Variants in TMEM126A observed in about 807,000 individuals in gnomAD.
TMEM126A encodes the protein optic atrophy 7.
TMEM126A carries 10 observed loss-of-function variants against 18.3 expected under a neutral mutation model. The ratio of observed to expected loss-of-function variants is 0.55; its 90% CI spans 0.34 to 0.93. The LOEUF (loss-of-function observed/expected upper bound fraction) is 0.93. Among genes scored for constraint, TMEM126A ranks in the 40% least tolerant of loss-of-function variants. TMEM126A has a pLI of 0.02. For synonymous variants in TMEM126A, 68 were observed against 78.1 expected (o/e 0.87, Z 0.68); for missense variants, 246 against 230.2 (o/e 1.07, Z -0.44).
chr11:85,650,210 T>C (rs199602090), intron 1 of TMEM126A, 39 bp from the exon 2 acceptor site: 2 of 1,319,102 alleles, frequency 1.5e-6, no homozygotes. Flanking sequence ...AAATTCTTTG[T>C]ATAAATTCTT....
intron 1 of TMEM126A, among the ~76,000 whole-genome samples, chr11:85,648,533 C>CA (rs1048292337): frequency 3.9e-5 from 6 of 152,222 alleles, no homozygotes; most frequent in African/African-American, 9.6e-5. Context: ...AAAATGCCCA[C>CA]AGGGGCTGCC....
At chr11:85,648,678 T>A (rs1296536449) in intron 1 of TMEM126A, among the ~76,000 whole-genome samples, 2 of 152,206 alleles carry the variant, frequency 1.3e-5, no homozygotes, top group Non-Finnish European at 2.9e-5. Flanking sequence ...TTGTGTCTTA[T>A]CATCTTATCG....
At chr11:85,653,927 T>C in intron 2 of TMEM126A, 136 bp from the exon 3 acceptor site, 2 of 1,023,106 alleles carry the variant, frequency 2.0e-6, no homozygotes, top group South Asian at 2.7e-5. Flanking sequence ...AAGCAATTTT[T>C]AAGATTTTGG....
At chr11:85,652,571 G>A (rs1386202938) in intron 2 of TMEM126A, among the ~76,000 whole-genome samples, 1 of 152,148 alleles carries the variant, frequency 6.6e-6, no homozygotes, top group Non-Finnish European at 1.5e-5. Context: ...TTATCAAAAA[G>A]TCATGAGTTT....
chr11:85,655,815 C>A, intron 4 of TMEM126A, 107 bp downstream of exon 4: 1 of 767,678 alleles, frequency 1.3e-6, no homozygotes, highest in Non-Finnish European at 2.3e-6. Flanking sequence ...GGCAATGTTA[C>A]CCTCTTGATT....
rs200692120 is a variant in TMEM126A at position 85,654,256 on chromosome 11, G to C, written c.280G>C (p.Gly94Arg). 3.7e-6 allele frequency: 6 copies of C among 1,613,676 alleles called. No homozygotes were observed. In the African/African-American group the frequency reaches 8.0e-5, roughly 22 times the overall value. ...RCFVSFPLNT[G>R]DLDCETCTIT... Reference sequence around the variant, plus strand: ...TTTTGTAAGTTTTCCTTTGAATACAGGTAAATTCTACTTCACTATCACCAA... The same window carrying C: ...TTTTGTAAGTTTTCCTTTGAATACACGTAAATTCTACTTCACTATCACCAA... The change falls in exon 3 of 5, where the codon GGT (glycine) becomes CGT (arginine). Residue 94 changes from glycine (G) to arginine (R), a missense_variant and splice_region_variant. Physicochemically the swap from Gly to Arg is moderately radical, Grantham distance 125. Transcript: ENST00000304511.
At chr11:85,655,459 A>C (rs2082530863) in intron 3 of TMEM126A, 135 bp from the exon 4 acceptor site, 1 of 703,562 alleles carries the variant, frequency 1.4e-6, no homozygotes, top group South Asian at 1.6e-5. Flanking sequence ...TATACCTTTT[A>C]ACAGGCTTTG....
intron 2 of TMEM126A, 78 bp downstream of exon 2, chr11:85,650,419 G>C (rs2153312395): frequency 1.9e-6 from 2 of 1,080,056 alleles, no homozygotes; most frequent in East Asian, 4.9e-5. Flanking sequence ...AAGTTTATCT[G>C]GTTTGAGTAT....
intron 3 of TMEM126A, 71 bp downstream of exon 3, chr11:85,654,327 A>AG: frequency 7.1e-7 from 1 of 1,417,572 alleles, no homozygotes; most frequent in South Asian, 1.2e-5. Flanking sequence ...GTCCATACTT[A>AG]TTAATATCAA....
chr11:85,648,415 C>T (rs1274770060), intron 1 of TMEM126A, among the ~76,000 whole-genome samples: 2 of 152,216 alleles, frequency 1.3e-5, no homozygotes, highest in African/African-American at 2.4e-5. Context: ...TCTCTCAGAG[C>T]TCTTCCAAGA....
At chr11:85,650,160 T>G in intron 1 of TMEM126A, 89 bp from the exon 2 acceptor site, 1 of 772,208 alleles carries the variant, frequency 1.3e-6, no homozygotes, top group Non-Finnish European at 2.1e-6. Context: ...TTTTTCAGAT[T>G]AGCTCTACAG....
intron 3 of TMEM126A, among the ~76,000 whole-genome samples, chr11:85,654,624 TG>T (rs1473708873): frequency 6.6e-6 from 1 of 152,088 alleles, no homozygotes; most frequent in Non-Finnish European, 1.5e-5. Flanking sequence ...GCTAATTTTT[TG>T]TATTTTTAGT....
intron 1 of TMEM126A, among the ~76,000 whole-genome samples, chr11:85,648,751 G>A (rs1276595597): frequency 1.3e-5 from 2 of 152,130 alleles, no homozygotes; most frequent in Non-Finnish European, 1.5e-5. Flanking sequence ...AGGCTGCTTT[G>A]TACTTATTAG....
intron 4 of TMEM126A, 97 bp downstream of exon 4, chr11:85,655,805 G>C: frequency 2.4e-6 from 2 of 837,854 alleles, no homozygotes; most frequent in Non-Finnish European, 4.0e-6. Flanking sequence ...TTAGACCAAA[G>C]GCAATGTTAC....
At chr11:85,655,320 G>A in intron 3 of TMEM126A, 1 of 355,614 alleles carries the variant, frequency 2.8e-6, no homozygotes. Flanking sequence ...AAAAAACAAG[G>A]CAGAAAGCTA....
At chr11:85,648,953 T>G (rs1212403151) in intron 1 of TMEM126A, among the ~76,000 whole-genome samples, 5 of 151,216 alleles carry the variant, frequency 3.3e-5, no homozygotes, top group African/African-American at 7.3e-5. Context: ...TTTTTTTTTT[T>G]GTAGACCGAG....
At chr11:85,654,022 C>T (rs1565800261) in intron 2 of TMEM126A, 41 bp from the exon 3 acceptor site, 3 of 1,607,848 alleles carry the variant, frequency 1.9e-6, no homozygotes, top group African/African-American at 2.7e-5. Flanking sequence ...CTCACACACA[C>T]AATAATGCCA....
At chr11:85,655,196 G>A (rs1278982610) in intron 3 of TMEM126A, among the ~76,000 whole-genome samples, 3 of 152,082 alleles carry the variant, frequency 2.0e-5, no homozygotes, top group Admixed American at 6.6e-5. Context: ...TAAATTTGAC[G>A]AGTATTTTGT....
In TMEM126A at chr11:85,650,278, A is replaced by G. The variant is rs761731577; in HGVS notation, c.23A>G (p.Asn8Ser). The change falls in exon 2 of 5, where the codon AAT (asparagine) becomes AGT (serine). Residue 8 changes from asparagine (N) to serine (S), a missense_variant. Coordinates refer to ENST00000304511, the MANE Select transcript of TMEM126A (RefSeq NM_032273.4). MENHKSN[N>S]KENITIVDIS... Reference sequence around the variant, plus strand: ...AAAATGGAAAATCATAAATCCAATAATAAGGAAAACATAACAATTGTTGAT... The same window carrying G: ...AAAATGGAAAATCATAAATCCAATAGTAAGGAAAACATAACAATTGTTGAT... 1 of 1,602,386 alleles carries G rather than the reference A, an allele frequency of 6.2e-7. No homozygotes were observed. Among genetic ancestry groups the G allele is most frequent in the South Asian group, 1.1e-5 (1 of 89,926 alleles).
Sources: allele counts gnomAD v4.1 joint callset (sites outside exome capture counted in the v4.1 genomes callset), GRCh38; gene constraint gnomAD v4.1.1; transcripts MANE v1.5; gene names NCBI Gene and HGNC (gene_info 2026-07-23, HGNC 2026-07-21).